PDE6B: variants seen among roughly 807,000 people sequenced by gnomAD.
PDE6B encodes the protein phosphodiesterase 6B.
Under a neutral mutation model 109.0 loss-of-function variants are expected in PDE6B, and 106 were observed. The ratio of observed to expected loss-of-function variants is 0.97; its 90% CI spans 0.83 to 1.14. PDE6B has a LOEUF of 1.14. Ranked by LOEUF, PDE6B falls within the 50% of genes most tolerant of loss-of-function variation. The probability of loss-of-function intolerance (pLI) is 0.00; values close to 1 mark genes in which losing one functional copy is unlikely to be tolerated. For synonymous variants in PDE6B, 490 were observed against 471.3 expected, an observed-to-expected ratio of 1.04 and a Z score of -0.51; for missense variants, 1,193 against 1,155.6, an observed-to-expected ratio of 1.03 and a Z score of -0.47.
intron 20 of PDE6B, 57 bp from the exon 21 acceptor site, chr4:667,798 CT>C: frequency 6.3e-7 from 1 of 1,576,494 alleles, no homozygotes; most frequent in Non-Finnish European, 8.7e-7. Flanking sequence ...GAAGGGCTAT[CT>C]TACTCTGGAG....
intron 6 of PDE6B, chr4:655,351 G>C (rs758676442): frequency 1.1e-5 from 3 of 278,578 alleles, no homozygotes; most frequent in Non-Finnish European, 2.1e-5. Context: ...AGCCAAGGGA[G>C]GGGCAGCTGG....
chr4:657,527 A>G (rs1736438102), intron 10 of PDE6B, 33 bp downstream of exon 10: 2 of 1,448,740 alleles, frequency 1.4e-6, no homozygotes, highest in Non-Finnish European at 1.9e-6. Context: ...GGGGTCACCC[A>G]GGGGTCACGG....
At chr4:643,186 T>C (rs1173486095) in intron 3 of PDE6B, among the ~76,000 whole-genome samples, 1 of 152,000 alleles carries the variant, frequency 6.6e-6, no homozygotes, top group African/African-American at 2.4e-5. Context: ...CAGACATCTG[T>C]AGTCCCAGCT....
Position 670,239 on chromosome 4 carries a change from AT to A in PDE6B, c.*153del, listed in dbSNP as rs374413250. On this transcript the variant is annotated 3_prime_UTR_variant, in exon 22 of 22. Transcript: ENST00000496514. ...ACTGAAGATCATTCTGGATATTTTA[AT>A]TTTTTTTTTTTTTTTTTTTTGAGAT... 0.14 allele frequency: 118,440 copies of A among 846,950 alleles called. 146 individuals carry two copies. Among genetic ancestry groups the A allele is most frequent in the East Asian group, 0.26 (7,026 of 26,826 alleles). 52.5% of individuals were successfully genotyped at this position (846,950 alleles called of 1,614,324 possible).
chr4:638,813 C>G (rs1388504871), intron 3 of PDE6B, among the ~76,000 whole-genome samples: 6 of 152,182 alleles, frequency 3.9e-5, no homozygotes, highest in Admixed American at 3.9e-4. Context: ...GATCTTCTTT[C>G]ATTCAGTGGG....
chr4:663,368 C>T lies in PDE6B; in HGVS notation c.1920+181C>T, dbSNP rs1737356220. Among the ~76,000 whole-genome samples the T allele has an allele frequency of 6.6e-6, 1 of 152,148 alleles. No homozygotes were observed. Among genetic ancestry groups the T allele is most frequent in the Admixed American group, 6.5e-5 (1 of 15,280 alleles). On this transcript the variant is annotated intron_variant, in intron 15 of 21. Coordinates refer to ENST00000496514, the MANE Select transcript of PDE6B (RefSeq NM_000283.4). This position sits in a 1 kb window ranked among gnomAD's most constrained non-coding sequence, Gnocchi z 4.0. ...AGGCTGAGGGCAGGTGCATCGGAGG[C>T]CCTGGGAAAACGCTTGTGGGGAAGA...
chr4:662,417 C>A lies in PDE6B; in HGVS notation c.1723-92C>A. 1 of 966,576 alleles carries A rather than the reference C, an allele frequency of 1.0e-6. No homozygotes were observed. The highest frequency in any genetic ancestry group is 1.7e-6 in the Non-Finnish European group (1 of 602,300). 59.9% of individuals were successfully genotyped at this position (966,576 alleles called of 1,614,324 possible). ...GCCCTGCGGTGGTCGGAGGTCCAAC[C>A]TCCAACCCGACGCCTAGGTCATCCC... On this transcript the variant is annotated intron_variant, in intron 13 of 21. Coordinates refer to ENST00000496514, the MANE Select transcript of PDE6B (RefSeq NM_000283.4). The surrounding 1 kb of genome is among the most constrained non-coding windows in gnomAD (Gnocchi z 4.3).
intron 6 of PDE6B, chr4:655,593 G>A (rs1367276317): frequency 4.8e-6 from 2 of 418,164 alleles, no homozygotes; most frequent in Non-Finnish European, 9.0e-6. Context: ...GAAGAAGGCA[G>A]CACAGCCGTC....
At chr4:656,354 C>A in intron 8 of PDE6B, 62 bp downstream of exon 8, 1 of 1,112,560 alleles carries the variant, frequency 9.0e-7, no homozygotes, top group Non-Finnish European at 1.4e-6. Context: ...TTTGATTCAG[C>A]GATGATGAAG....
At position 648,525 on chromosome 4, in the gene PDE6B, C is replaced by G. The variant is rs183550660; in HGVS notation, c.712-5327C>G. Among the ~76,000 whole-genome samples the G allele has an allele frequency of 3.1e-4, 47 of 152,330 alleles. No homozygotes were observed. The highest frequency in any genetic ancestry group is 9.9e-4 in the African/African-American group (41 of 41,578). ...TTGAAGCAGCCTCTGGGCGCTCCCC[C>G]CTCCCTCTGTCCCGGGCCCTCACCT... On this transcript the variant is annotated intron_variant, in intron 3 of 21. Coordinates refer to ENST00000496514, the MANE Select transcript of PDE6B (RefSeq NM_000283.4). The surrounding 1 kb of genome is among the most constrained non-coding windows in gnomAD (Gnocchi z 4.5).
chr4:656,722 A>G, intron 8 of PDE6B, 152 bp from the exon 9 acceptor site: 1 of 692,970 alleles, frequency 1.4e-6, no homozygotes, highest in African/African-American at 1.8e-5. Flanking sequence ...AAATGCAGAG[A>G]GGGAGAGAGG....
rs1055862336 is a variant in PDE6B at position 648,091 on chromosome 4, G to A, written c.712-5761G>A. Among the ~76,000 whole-genome samples the A allele has an allele frequency of 3.3e-5, 5 of 151,620 alleles. No homozygotes were observed. Among genetic ancestry groups the A allele is most frequent in the Non-Finnish European group, 5.9e-5 (4 of 67,960 alleles). Reference sequence around the variant, plus strand: ...ACTCCATCTCGAAAAAAAAAAGAAAGAAAGAGCCAAGAGTCAGGCGTATTT... The same window carrying A: ...ACTCCATCTCGAAAAAAAAAAGAAAAAAAGAGCCAAGAGTCAGGCGTATTT... On this transcript the variant is annotated intron_variant, in intron 3 of 21. Transcript: ENST00000496514. The surrounding 1 kb of genome is among the most constrained non-coding windows in gnomAD (Gnocchi z 4.5).
Position 662,405 on chromosome 4 carries a change from C to T in PDE6B, c.1723-104C>T, listed in dbSNP as rs980318427. The T allele has an allele frequency of 2.8e-5, 25 of 881,840 alleles. No individual in the cohort carries two copies. The highest frequency in any genetic ancestry group is 4.5e-5 in the Non-Finnish European group (24 of 530,796). The allele number at this position is 881,840 out of a possible 1,614,324, so 54.6% of individuals were successfully genotyped here. A position where few individuals can be genotyped will look rare whatever the true frequency, so the allele number is the denominator to read the frequency against. ...CCGCGCACCCCAGCCCTGCGGTGGT[C>T]GGAGGTCCAACCTCCAACCCGACGC... On this transcript the variant is annotated intron_variant, in intron 13 of 21. Transcript: ENST00000496514. This position sits in a 1 kb window ranked among gnomAD's most constrained non-coding sequence, Gnocchi z 4.3.
At chr4:656,763 C>A in intron 8 of PDE6B, 111 bp from the exon 9 acceptor site, 1 of 959,794 alleles carries the variant, frequency 1.0e-6, no homozygotes, top group Non-Finnish European at 1.7e-6. Flanking sequence ...GGAACACGAG[C>A]CCAGCCGTCA....
intron 2 of PDE6B, among the ~76,000 whole-genome samples, chr4:635,061 G>C (rs1245918872): frequency 7.9e-6 from 1 of 126,470 alleles, no homozygotes; most frequent in African/African-American, 3.4e-5. Flanking sequence ...TTACCTGCCT[G>C]CCCGCCTGCC....
intron 3 of PDE6B, chr4:651,452 C>G (rs746042317): frequency 6.5e-6 from 1 of 153,116 alleles, no homozygotes; most frequent in African/African-American, 2.4e-5. Flanking sequence ...AGAGCCCGTG[C>G]GAAGGCGCTG....
chr4:647,385 G>T (rs1250644240), intron 3 of PDE6B, among the ~76,000 whole-genome samples: 1 of 152,040 alleles, frequency 6.6e-6, no homozygotes, highest in Non-Finnish European at 1.5e-5. Flanking sequence ...ATTTGCTGCA[G>T]CTGAGGGTGA....
At position 666,626 on chromosome 4, in the gene PDE6B, A is replaced by G; in HGVS notation, c.2352+12A>G. ...CATTCGTGTACAAGGCGAGTGGTTC[A>G]CGGGTGTTCCGAGCTGACTGGGGCA... On this transcript the variant is annotated intron_variant, in intron 20 of 21. Transcript: ENST00000496514. The surrounding 1 kb of genome is among the most constrained non-coding windows in gnomAD (Gnocchi z 5.6). 6.3e-7 allele frequency: 1 copy of G among 1,590,132 alleles called. No individual in the cohort carries two copies. Among genetic ancestry groups the G allele is most frequent in the African/African-American group, 1.3e-5 (1 of 74,524 alleles).
rs371360000 is a variant in PDE6B, at chr4:664,743, T to C, written c.2130-138T>C. 67 of 770,350 alleles carry C rather than the reference T, an allele frequency of 8.7e-5. No individual in the cohort carries two copies. In the East Asian group the frequency reaches 1.7e-3, roughly 19 times the overall value. 47.7% of individuals were successfully genotyped at this position (770,350 alleles called of 1,614,324 possible). Reference sequence around the variant, plus strand: ...AGGCACAAGAATCGGGAGGCGGAGGTTGCAGTGAGCTGAGATTGCGCCATT... The same window carrying C: ...AGGCACAAGAATCGGGAGGCGGAGGCTGCAGTGAGCTGAGATTGCGCCATT... On this transcript the variant is annotated intron_variant, in intron 17 of 21. Transcript: ENST00000496514.
Sources: allele counts gnomAD v4.1 joint callset (sites outside exome capture counted in the v4.1 genomes callset), GRCh38; gene constraint gnomAD v4.1.1; non-coding constraint Gnocchi (gnomAD v3.1); transcripts MANE v1.5; gene names NCBI Gene and HGNC (gene_info 2026-07-23, HGNC 2026-07-21).